PSPC1: variants seen among roughly 807,000 people sequenced by gnomAD.
The protein encoded by PSPC1 is paraspeckle protein 1.
Under a neutral mutation model 51.6 loss-of-function variants are expected in PSPC1, and 14 were observed. The observed-to-expected ratio is 0.27, with a 90% CI of 0.18 to 0.42. The LOEUF is 0.42. Ranked by LOEUF, PSPC1 falls within the 10% of genes least tolerant of loss-of-function variation. PSPC1 has a pLI of 1.00. For synonymous variants in PSPC1, 193 were observed against 231.9 expected (o/e 0.83, Z 1.53); for missense variants, 406 against 701.1 (o/e 0.58, Z 4.75).
At chr13:19,720,045 G>A (rs1322502671) in intron 6 of PSPC1, among the ~76,000 whole-genome samples, 1 of 152,126 alleles carries the variant, frequency 6.6e-6, no homozygotes, top group African/African-American at 2.4e-5. Context: ...ATTGTCAGGT[G>A]TAAACTCACT....
At chr13:19,686,077 T>C (rs770343851) in intron 6 of PSPC1, among the ~76,000 whole-genome samples, 5 of 152,230 alleles carry the variant, frequency 3.3e-5, no homozygotes, top group Non-Finnish European at 1.5e-5. Context: ...AGTGCTTTGA[T>C]TCTCGCTCTC....
At chr13:19,748,521 C>A (rs1348240156) in intron 4 of PSPC1, among the ~76,000 whole-genome samples, 1 of 152,154 alleles carries the variant, frequency 6.6e-6, no homozygotes, top group African/African-American at 2.4e-5. Flanking sequence ...CATCAAAATA[C>A]CTTCAGGCAA....
At chr13:19,748,248 T>C (rs1385398488) in intron 4 of PSPC1, among the ~76,000 whole-genome samples, 1 of 151,284 alleles carries the variant, frequency 6.6e-6, no homozygotes, top group African/African-American at 2.4e-5. Context: ...AAATACAAAA[T>C]TGTAGAACAA....
chr13:19,753,263 A>C (rs1335518984), intron 3 of PSPC1, among the ~76,000 whole-genome samples: 2 of 146,964 alleles, frequency 1.4e-5, no homozygotes, highest in Non-Finnish European at 3.0e-5. Flanking sequence ...AGCCTGGGCA[A>C]CAAGAGCAAG....
intron 7 of PSPC1, among the ~76,000 whole-genome samples, chr13:19,676,865 A>G (rs1876692523): frequency 6.6e-6 from 1 of 152,348 alleles, no homozygotes; most frequent in Middle Eastern, 3.4e-3. Flanking sequence ...GTGACATAAC[A>G]AAAGAACCGA....
At position 19,768,849 on chromosome 13, in the gene PSPC1, T is replaced by C. The variant is rs181904605; in HGVS notation, c.674+3393A>G. Among the ~76,000 whole-genome samples the C allele has an allele frequency of 2.0e-3, 305 of 150,458 alleles. 15 individuals carry two copies. The highest frequency in any genetic ancestry group is 5.4e-3 in the African/African-American group (220 of 40,698). On this transcript the variant is annotated intron_variant, in intron 2 of 8. Transcript: ENST00000338910. ...AATATCTAAGTCTAAAAACACCAAG[T>C]GGCAACTGGGCACAGTGGCTCACAC...
chr13:19,756,143 G>A (rs1333014515), intron 3 of PSPC1, among the ~76,000 whole-genome samples: 1 of 152,054 alleles, frequency 6.6e-6, no homozygotes, highest in Admixed American at 6.6e-5. Context: ...GAGGGTGAGG[G>A]ACAAGAATCA....
At chr13:19,673,169 A>G (rs1345837109), downstream of PSPC1, 1 of 452,196 alleles carries the variant, frequency 2.2e-6, no homozygotes. Flanking sequence ...GGGCTTAGGT[A>G]ACAGCCAAAC....
chr13:19,689,168 C>G (rs1185711125), intron 6 of PSPC1, among the ~76,000 whole-genome samples: 7 of 152,158 alleles, frequency 4.6e-5, no homozygotes, highest in Non-Finnish European at 1.0e-4. Context: ...GCACTGAGGT[C>G]TGAAGGGTAC....
intron 6 of PSPC1, among the ~76,000 whole-genome samples, chr13:19,687,388 T>C (rs573563077): frequency 6.6e-6 from 1 of 152,294 alleles, no homozygotes; most frequent in Admixed American, 6.5e-5. Flanking sequence ...ACTCTGTGGA[T>C]GTACAGAGGG....
intron 6 of PSPC1, 69 bp from the exon 7 acceptor site, chr13:19,709,668 AAAAAG>A (rs1455369560): frequency 7.9e-7 from 1 of 1,261,812 alleles, no homozygotes; most frequent in Non-Finnish European, 1.1e-6. Flanking sequence ...ATCTAAAATC[AAAAAG>A]AAAAGAGTGA....
chr13:19,727,999 GTT>G (rs1265812162), intron 6 of PSPC1, among the ~76,000 whole-genome samples: 1 of 152,114 alleles, frequency 6.6e-6, no homozygotes, highest in Non-Finnish European at 1.5e-5. Flanking sequence ...TTATCAAAAA[GTT>G]TGTCTTCTAA....
At chr13:19,748,457 G>A (rs1292417258) in intron 4 of PSPC1, among the ~76,000 whole-genome samples, 5 of 152,026 alleles carry the variant, frequency 3.3e-5, no homozygotes, top group African/African-American at 4.8e-5. Flanking sequence ...GAACACACAC[G>A]ATAAACAACA....
chr13:19,773,568 C>T (rs536579099), intron 1 of PSPC1, among the ~76,000 whole-genome samples: 166 of 152,052 alleles, frequency 1.1e-3, no homozygotes, highest in Non-Finnish European at 1.9e-3. Flanking sequence ...AACATCCCAC[C>T]TCTCTACAGC....
chr13:19,727,220 C>G (rs1197019313), intron 6 of PSPC1, among the ~76,000 whole-genome samples: 1 of 151,984 alleles, frequency 6.6e-6, no homozygotes. Context: ...ATGGTGAAAC[C>G]CCATCTCTAC....
At chr13:19,720,372 C>G (rs1410325384) in intron 6 of PSPC1, among the ~76,000 whole-genome samples, 2 of 152,032 alleles carry the variant, frequency 1.3e-5, no homozygotes, top group Non-Finnish European at 2.9e-5. Context: ...AAATTGGTCC[C>G]GTCAACAGAA....
At chr13:19,732,005 A>G (rs1378186313) in intron 5 of PSPC1, among the ~76,000 whole-genome samples, 1 of 152,184 alleles carries the variant, frequency 6.6e-6, no homozygotes, top group Non-Finnish European at 1.5e-5. Context: ...TTAGAATTGC[A>G]AATCCTCAAA....
intron 6 of PSPC1, among the ~76,000 whole-genome samples, chr13:19,720,669 A>G (rs1228066616): frequency 3.3e-5 from 5 of 152,238 alleles, no homozygotes; most frequent in Admixed American, 6.5e-5. Flanking sequence ...CTACTGTAAC[A>G]ATCATATCAA....
rs1890032044 is a variant in PSPC1 at position 19,782,076 on chromosome 13, C to T, written c.372+310G>A. Among the ~76,000 whole-genome samples, 1 of 152,250 alleles carries T rather than the reference C, an allele frequency of 6.6e-6. No homozygotes were observed. The highest frequency in any genetic ancestry group is 1.5e-5 in the Non-Finnish European group (1 of 68,054). On this transcript the variant is annotated intron_variant, in intron 1 of 8. Coordinates refer to ENST00000338910, the MANE Select transcript of PSPC1 (RefSeq NM_001354909.2). This position sits in a 1 kb window ranked among gnomAD's most constrained non-coding sequence, Gnocchi z 4.5. ...ACGGGGAACCCGGGAGCGCTCGCTACCTGGACAGGGTGCACCATGCCCGAT... is the reference window on the plus strand; with the variant it reads ...ACGGGGAACCCGGGAGCGCTCGCTATCTGGACAGGGTGCACCATGCCCGAT...
Sources: gnomAD v4.1 joint callset for allele counts (sites outside exome capture counted in the v4.1 genomes callset) on GRCh38, gnomAD v4.1.1 for gene constraint, Gnocchi (gnomAD v3.1) non-coding constraint, MANE v1.5 for transcripts, NCBI Gene and HGNC (gene_info 2026-07-23, HGNC 2026-07-21) for gene names.